Variants in LCLAT1 observed in about 807,000 individuals in gnomAD.
LCLAT1 encodes the protein lysocardiolipin acyltransferase 1, also known as 1-AGP acyltransferase 8.
A neutral mutation model predicts 30.7 loss-of-function variants in LCLAT1; 11 were observed. The observed-to-expected ratio is 0.36, with a 90% CI of 0.23 to 0.59. The LOEUF (loss-of-function observed/expected upper bound fraction) is 0.59. LCLAT1 is among the 20% of genes least tolerant of loss of function. The probability of loss-of-function intolerance (pLI) is 0.77; values close to 1 mark genes in which losing one functional copy is unlikely to be tolerated. For missense variants in LCLAT1, 402 were observed against 458.6 expected (o/e 0.88, Z 1.13); for synonymous variants, 155 against 151.3 (o/e 1.02, Z -0.18).
intron 5 of LCLAT1, chr2:30,607,389 G>A (rs1572690535): frequency 2.0e-5 from 3 of 151,944 alleles, no homozygotes; most frequent in African/African-American, 7.3e-5. Context: ...AATTCCTTTG[G>A]GATATACAGT....
chr2:30,465,042 G>T (rs1682353211), intron 1 of LCLAT1, among the ~76,000 whole-genome samples: 1 of 151,926 alleles, frequency 6.6e-6, no homozygotes, highest in African/African-American at 2.4e-5. Context: ...GATCCTCTGT[G>T]GTAGGCTGAA....
chr2:30,518,342 C>G (rs1040175830), intron 1 of LCLAT1, among the ~76,000 whole-genome samples: 1 of 152,122 alleles, frequency 6.6e-6, no homozygotes, highest in African/African-American at 2.4e-5. Context: ...GAAAAAAACA[C>G]AATGGGTATT....
intron 2 of LCLAT1, among the ~76,000 whole-genome samples, chr2:30,532,368 A>T (rs1309301154): frequency 6.6e-6 from 1 of 152,206 alleles, no homozygotes; most frequent in Non-Finnish European, 1.5e-5. Flanking sequence ...TAAGTCAAAT[A>T]TTAACTAGTA....
At chr2:30,467,148 T>C (rs987332562) in intron 1 of LCLAT1, among the ~76,000 whole-genome samples, 7 of 152,158 alleles carry the variant, frequency 4.6e-5, no homozygotes, top group Non-Finnish European at 8.8e-5. Context: ...GTCCAAGTGT[T>C]CTCATTGTTC....
At chr2:30,586,521 A>G (rs1403527779) in intron 5 of LCLAT1, among the ~76,000 whole-genome samples, 3 of 152,198 alleles carry the variant, frequency 2.0e-5, no homozygotes, top group Admixed American at 2.0e-4. Context: ...ATAATCCACT[A>G]TAACATCATT....
intron 5 of LCLAT1, among the ~76,000 whole-genome samples, chr2:30,605,528 T>A (rs528101024): frequency 5.3e-5 from 8 of 152,356 alleles, no homozygotes; most frequent in African/African-American, 1.9e-4. Flanking sequence ...ACTGCTTTAG[T>A]GTTTAAGAAA....
intron 5 of LCLAT1, among the ~76,000 whole-genome samples, chr2:30,601,294 G>A (rs1212258124): frequency 6.6e-6 from 1 of 152,054 alleles, no homozygotes; most frequent in African/African-American, 2.4e-5. Context: ...TATAACAAGG[G>A]TTTCAAATAA....
At chr2:30,525,459 T>C in intron 1 of LCLAT1, 128 bp from the exon 2 acceptor site, 1 of 717,994 alleles carries the variant, frequency 1.4e-6, no homozygotes, top group Non-Finnish European at 2.4e-6. Context: ...ATTCAGACTC[T>C]TATATTGTTT....
At chr2:30,597,136 G>C (rs1043651205) in intron 5 of LCLAT1, among the ~76,000 whole-genome samples, 3 of 147,464 alleles carry the variant, frequency 2.0e-5, no homozygotes, top group Non-Finnish European at 1.5e-5. Flanking sequence ...GCTTTTTGTT[G>C]GTTCCATATG....
At chr2:30,581,033 TCTG>T (rs1666194393) in intron 5 of LCLAT1, among the ~76,000 whole-genome samples, 1 of 152,100 alleles carries the variant, frequency 6.6e-6, no homozygotes, top group Admixed American at 6.5e-5. Context: ...GGTTAGGTAA[TCTG>T]ATGATGGTGG....
At chr2:30,635,824 G>A (rs1668997879) in intron 5 of LCLAT1, among the ~76,000 whole-genome samples, 1 of 152,208 alleles carries the variant, frequency 6.6e-6, no homozygotes, top group Non-Finnish European at 1.5e-5. Context: ...AATCGAGAGA[G>A]CATTATAATT....
chr2:30,472,360 A>G (rs1037413626), intron 1 of LCLAT1, among the ~76,000 whole-genome samples: 1 of 152,198 alleles, frequency 6.6e-6, no homozygotes, highest in African/African-American at 2.4e-5. Flanking sequence ...ACTGGCTTGT[A>G]AAACTGGAAA....
rs982621281 is a variant in LCLAT1, at chr2:30,644,157, A to G, written c.*3538A>G. The G allele has an allele frequency of 6.6e-6, 1 of 152,122 alleles. No homozygotes were observed. The highest frequency in any genetic ancestry group is 2.4e-5 in the African/African-American group (1 of 41,424). The allele number at this position is 152,122 out of a possible 1,614,324, so 9.4% of individuals were successfully genotyped here. A position where few individuals can be genotyped will look rare whatever the true frequency, so the allele number is the denominator to read the frequency against. On this transcript the variant is annotated 3_prime_UTR_variant, in exon 6 of 6. Transcript: ENST00000379509. ...GAATGGCCTTAGTTTTCAATGTCTG[A>G]TGGTATATTTGTGAGTTGTGTTATC...
At chr2:30,570,540 A>G (rs1322599560) in intron 5 of LCLAT1, among the ~76,000 whole-genome samples, 1 of 152,218 alleles carries the variant, frequency 6.6e-6, no homozygotes, top group Non-Finnish European at 1.5e-5. Context: ...ACTGAAGCAG[A>G]AATTGAGGTA....
At chr2:30,590,404 T>C (rs1440731121) in intron 5 of LCLAT1, among the ~76,000 whole-genome samples, 7 of 151,494 alleles carry the variant, frequency 4.6e-5, no homozygotes, top group African/African-American at 1.7e-4. Context: ...GGGAAATCAC[T>C]TGATTTATAA....
chr2:30,599,156 A>G (rs546337513), intron 5 of LCLAT1, among the ~76,000 whole-genome samples: 8 of 151,916 alleles, frequency 5.3e-5, no homozygotes, highest in African/African-American at 1.9e-4. Flanking sequence ...TAATTTTTGT[A>G]TTTTTAGTAG....
At chr2:30,456,552 G>A (rs1488039444) in intron 1 of LCLAT1, among the ~76,000 whole-genome samples, 1 of 151,994 alleles carries the variant, frequency 6.6e-6, no homozygotes, top group Non-Finnish European at 1.5e-5. Flanking sequence ...GGCTTTTGCT[G>A]TTGTGGGTGG....
intron 1 of LCLAT1, among the ~76,000 whole-genome samples, chr2:30,467,306 A>C (rs1447892658): frequency 6.6e-6 from 1 of 152,204 alleles, no homozygotes; most frequent in Non-Finnish European, 1.5e-5. Flanking sequence ...TCCATGGTGT[A>C]TATGTGCCAC....
intron 4 of LCLAT1, among the ~76,000 whole-genome samples, chr2:30,565,756 A>G (rs1869431): frequency 0.36 from 55,096 of 152,110 alleles, 11,052 homozygotes; most frequent in Non-Finnish European, 0.46. Context: ...CATAAGTGCT[A>G]TGCAGAAAAA....
Sources: gnomAD v4.1 joint callset for allele counts (sites outside exome capture counted in the v4.1 genomes callset) on GRCh38, gnomAD v4.1.1 for gene constraint, MANE v1.5 for transcripts, NCBI Gene and HGNC (gene_info 2026-07-23, HGNC 2026-07-21) for gene names.